ZZEF1: variants seen among roughly 807,000 people sequenced by gnomAD.
ZZEF1 encodes zinc finger ZZ-type and EF-hand domain-containing protein 1.
In ZZEF1, 157 loss-of-function variants were observed where a neutral mutation model predicts 342.8. The ratio of observed to expected loss-of-function variants is 0.46; its 90% confidence interval spans 0.40 to 0.52. The LOEUF (loss-of-function observed/expected upper bound fraction) is 0.52, where lower values mean the gene tolerates loss of function less well. Ranked by LOEUF, ZZEF1 falls within the 20% of genes least tolerant of loss-of-function variation. ZZEF1 has a pLI of 0.00. For synonymous variants in ZZEF1, 1,505 were observed against 1,429.1 expected (o/e 1.05, Z -1.20); for missense variants, 3,480 against 3,725.6 (o/e 0.93, Z 1.72).
Position 4,049,836 on chromosome 17 carries a change from C to T in ZZEF1, c.5887G>A (p.Gly1963Ser). The change falls in exon 37 of 55, where the codon GGT becomes AGT. Residue 1963 changes from glycine (G) to serine (S), a missense_variant. Gly to Ser is a moderately conservative substitution (Grantham distance 56). Transcript: ENST00000381638. ...GKGLKALALL[G>S]VLPDGDSSLE... is the part of the protein sequence containing the mutation. ...CTCGAGTCCCCATCTGGCAATACAC[C>T]CAGCAAAGCTAGAGCTTTAAGGCCT... The T allele has an allele frequency of 6.2e-7, 1 of 1,614,132 alleles. No individual in the cohort carries two copies. The highest frequency in any genetic ancestry group is 1.7e-5 in the Admixed American group (1 of 60,022).
intron 29 of ZZEF1, among the ~76,000 whole-genome samples, chr17:4,063,778 A>G (rs1341083205): frequency 7.1e-6 from 1 of 141,620 alleles, no homozygotes; most frequent in Non-Finnish European, 1.5e-5. Flanking sequence ...CCCAGGTTGG[A>G]GTACAGTGGC....
At chr17:4,065,384 G>T (rs2057372300) in intron 28 of ZZEF1, among the ~76,000 whole-genome samples, 2 of 149,672 alleles carry the variant, frequency 1.3e-5, no homozygotes. Flanking sequence ...GCGAAAGAGT[G>T]AGACACTGTC....
At chr17:4,109,043 A>G (rs2058254585) in intron 6 of ZZEF1, among the ~76,000 whole-genome samples, 1 of 152,154 alleles carries the variant, frequency 6.6e-6, no homozygotes, top group Non-Finnish European at 1.5e-5. Context: ...ATATGTTACT[A>G]TTTGGTCTTT....
chr17:4,020,503 C>T (rs1447943540), intron 45 of ZZEF1, among the ~76,000 whole-genome samples: 1 of 151,170 alleles, frequency 6.6e-6, no homozygotes. Flanking sequence ...CCACACCTGG[C>T]TAGTCTTATT....
chr17:4,126,049 A>ACCTG (rs1231851733), intron 1 of ZZEF1, among the ~76,000 whole-genome samples: 271 of 151,814 alleles, frequency 1.8e-3, no homozygotes, highest in East Asian at 5.4e-3. Flanking sequence ...AGATGGTGAA[A>ACCTG]CCCCGTCTCT....
chr17:4,109,557 G>C (rs1418081114), intron 6 of ZZEF1, 96 bp downstream of exon 6: 2 of 1,358,354 alleles, frequency 1.5e-6, no homozygotes, highest in African/African-American at 2.9e-5. Context: ...GAGCCACAAC[G>C]ATCAATGATG....
At chr17:4,019,236 T>C (rs2056199841) in intron 46 of ZZEF1, among the ~76,000 whole-genome samples, 1 of 152,122 alleles carries the variant, frequency 6.6e-6, no homozygotes, top group South Asian at 2.1e-4. Flanking sequence ...GGATTGCAGA[T>C]ATGTAAAGTT....
chr17:4,132,244 T>C (rs543003117), intron 1 of ZZEF1, among the ~76,000 whole-genome samples: 55 of 150,182 alleles, frequency 3.7e-4, no homozygotes, highest in Non-Finnish European at 5.9e-4. Context: ...AGTGCAGTGG[T>C]GCAATCATGG....
intron 42 of ZZEF1, among the ~76,000 whole-genome samples, chr17:4,031,550 A>G (rs1472375379): frequency 6.6e-6 from 1 of 152,128 alleles, no homozygotes; most frequent in African/African-American, 2.4e-5. Flanking sequence ...AAGATCTTAG[A>G]CATTTACATA....
At chr17:4,050,673 A>C (rs995497612) in intron 36 of ZZEF1, 108 bp downstream of exon 36, 1 of 1,519,442 alleles carries the variant, frequency 6.6e-7, no homozygotes, top group South Asian at 1.2e-5. Context: ...TTTTGTGGAA[A>C]AGTGGATGTT....
intron 43 of ZZEF1, among the ~76,000 whole-genome samples, chr17:4,023,745 C>A (rs1456781080): frequency 6.6e-6 from 1 of 151,854 alleles, no homozygotes; most frequent in Non-Finnish European, 1.5e-5. Flanking sequence ...GGCAAGAGGA[C>A]CCCTTAAACC....
At chr17:4,089,796 C>G (rs2057911408) in intron 12 of ZZEF1, among the ~76,000 whole-genome samples, 1 of 91,848 alleles carries the variant, frequency 1.1e-5, no homozygotes, top group Admixed American at 1.2e-4. Context: ...ACTATTCTCT[C>G]AGCCTGAGAC....
At chr17:4,140,480 T>C (rs2145631942) in intron 1 of ZZEF1, among the ~76,000 whole-genome samples, 1 of 152,360 alleles carries the variant, frequency 6.6e-6, no homozygotes, top group South Asian at 2.1e-4. Flanking sequence ...TATCTTATAA[T>C]TAATGGGTTA....
intron 16 of ZZEF1, among the ~76,000 whole-genome samples, chr17:4,085,374 T>C (rs2057799380): frequency 1.3e-5 from 2 of 152,140 alleles, no homozygotes; most frequent in Admixed American, 1.3e-4. Flanking sequence ...TTGCCTATAA[T>C]ACAAAGGTAA....
At chr17:4,115,439 G>T (rs1051274147) in intron 3 of ZZEF1, among the ~76,000 whole-genome samples, 2 of 152,158 alleles carry the variant, frequency 1.3e-5, no homozygotes, top group African/African-American at 4.8e-5. Flanking sequence ...AAGGCAGGCG[G>T]ATCACTTGAG....
chr17:4,011,425 A>AC (rs1160412535), intron 52 of ZZEF1, among the ~76,000 whole-genome samples: 1 of 151,856 alleles, frequency 6.6e-6, no homozygotes, highest in Admixed American at 6.6e-5. Flanking sequence ...GGTAACGATG[A>AC]CTACCATTGT....
rs770754866 is a variant in ZZEF1 at position 4,077,985 on chromosome 17, G to A, written c.2887C>T (p.Leu963=). The A allele has an allele frequency of 6.2e-7, 1 of 1,614,150 alleles. No homozygotes were observed. The highest frequency in any genetic ancestry group is 1.1e-5 in the South Asian group (1 of 91,084). Residue 963 remains leucine, a synonymous_variant, in exon 19 of 55, where the codon CTG becomes TTG. Transcript: ENST00000381638. ...AGGCTGCCTTGGACGGACCAGAACA[G>A]GGAGAAGAGCACAGAGCCCACCTCC... ...PGEVGSVLFS[L]FWSVQGSLLS...
intron 46 of ZZEF1, among the ~76,000 whole-genome samples, chr17:4,019,383 A>G (rs1363112372): frequency 6.6e-6 from 1 of 152,210 alleles, no homozygotes; most frequent in African/African-American, 2.4e-5. Flanking sequence ...ATTACACATG[A>G]GAGACATCTT....
intron 42 of ZZEF1, among the ~76,000 whole-genome samples, chr17:4,030,072 CA>C (rs1597784695): frequency 6.9e-6 from 1 of 144,440 alleles, no homozygotes; most frequent in East Asian, 2.0e-4. Flanking sequence ...AAAGCAGTAA[CA>C]ACACATTAAA....
Sources: gnomAD v4.1 joint callset for allele counts (sites outside exome capture counted in the v4.1 genomes callset) on GRCh38, gnomAD v4.1.1 for gene constraint, MANE v1.5 for transcripts, NCBI Gene and HGNC (gene_info 2026-07-23, HGNC 2026-07-21) for gene names.